The following ADGRE2 variants were observed in gnomAD, a reference collection of about 807,000 sequenced individuals.
ADGRE2 encodes the protein CD97 antigen.
Under a neutral mutation model 100.8 loss-of-function variants are expected in ADGRE2, and 83 were observed. The observed-to-expected ratio is 0.82, with a 90% CI of 0.69 to 0.99. The LOEUF (loss-of-function observed/expected upper bound fraction) is 0.99, where lower values mean the gene tolerates loss of function less well. ADGRE2 is among the 50% of genes least tolerant of loss of function. ADGRE2 has a pLI of 0.00. For synonymous variants in ADGRE2, 355 were observed against 413.0 expected, an observed-to-expected ratio of 0.86 and a Z score of 1.70; for missense variants, 814 against 1,035.7, an observed-to-expected ratio of 0.79 and a Z score of 2.94.
At chr19:14,743,996 T>G (rs573978154) in intron 18 of ADGRE2, among the ~76,000 whole-genome samples, 1 of 152,108 alleles carries the variant, frequency 6.6e-6, no homozygotes, top group Non-Finnish European at 1.5e-5. Context: ...TCCCAGCACT[T>G]TGGGGGGCCA....
At chr19:14,741,935 T>C in intron 20 of ADGRE2, 1 of 398,456 alleles carries the variant, frequency 2.5e-6, no homozygotes. Context: ...TAAATGTTGG[T>C]TATTAGTCAT....
intron 5 of ADGRE2, chr19:14,772,049 T>C (rs2147524495): frequency 2.2e-6 from 1 of 449,444 alleles, no homozygotes; most frequent in Middle Eastern, 6.3e-4. Flanking sequence ...CCTCATTTTA[T>C]AGATGGGTAA....
At chr19:14,737,287 A>G (rs1433523644) in intron 20 of ADGRE2, among the ~76,000 whole-genome samples, 2 of 151,924 alleles carry the variant, frequency 1.3e-5, no homozygotes, top group South Asian at 2.1e-4. Context: ...TCCCAGGTTC[A>G]AGTGATCCTC....
chr19:14,763,134 G>A (rs1462699308), intron 11 of ADGRE2, among the ~76,000 whole-genome samples: 1 of 152,062 alleles, frequency 6.6e-6, no homozygotes, highest in East Asian at 1.9e-4. Context: ...AAGGTCAGGA[G>A]ATCGAGAGAC....
At chr19:14,774,460 C>T (rs1056954238) in intron 2 of ADGRE2, among the ~76,000 whole-genome samples, 154 bp from the exon 3 acceptor site, 30 of 151,694 alleles carry the variant, frequency 2.0e-4, no homozygotes, top group Admixed American at 1.7e-3. Context: ...ACGTCCCACT[C>T]GGATGCTCAA....
chr19:14,771,656 A>AC (rs2044214162), intron 5 of ADGRE2, among the ~76,000 whole-genome samples: 1 of 149,894 alleles, frequency 6.7e-6, no homozygotes, highest in African/African-American at 2.5e-5. Context: ...TTATTTATTT[A>AC]TTTTAGATGG....
rs754636856 is a variant in ADGRE2 at position 14,752,535 on chromosome 19, C to T, written c.1591-9G>A. ...AGCACGGGATCCTCCTCCTGGGACC[C>T]GGAAAAGAAGAGTTCACAGTGATGC... On this transcript the variant is annotated splice_polypyrimidine_tract_variant and intron_variant, in intron 14 of 20. Transcript: ENST00000315576. 1.7e-5 allele frequency: 28 copies of T among 1,612,844 alleles called. No individual in the cohort carries two copies. Among genetic ancestry groups the T allele is most frequent in the Non-Finnish European group, 2.2e-5 (26 of 1,179,464 alleles).
chr19:14,730,107 C>A (rs1234976077), downstream of ADGRE2, among the ~76,000 whole-genome samples: 2 of 152,196 alleles, frequency 1.3e-5, no homozygotes, highest in Non-Finnish European at 2.9e-5. Flanking sequence ...GGCTGGAGTA[C>A]AATGGCACAA....
Position 14,772,488 on chromosome 19 carries a change from T to C in ADGRE2, c.209A>G (p.Glu70Gly). 6.2e-7 allele frequency: 1 copy of C among 1,613,942 alleles called. No homozygotes were observed. The highest frequency in any genetic ancestry group is 8.5e-7 in the Non-Finnish European group (1 of 1,179,990). Residue 70 changes from glutamate (E) to glycine (G), a missense_variant, in exon 5 of 21, where the codon GAG (glutamate) becomes GGG (glycine). This residue lies in a region of ADGRE2 where 143 missense variants were observed against 160.3 expected (regional missense o/e 0.89). Transcript: ENST00000315576. ...TPMETCDDIN[E>G]CATLSKVSCG... ...TGACACTTTCGACAGTGTTGCACAC[T>C]CGTTGATGTCTGGAACACAACAGGA...
Position 14,743,776 on chromosome 19 carries a change from G to A in ADGRE2, c.2192C>T (p.Ala731Val), listed in dbSNP as rs370433460. 65 of 1,614,050 alleles carry A rather than the reference G, an allele frequency of 4.0e-5. No homozygotes were observed. The African/African-American group carries it at 7.2e-4, about 18-fold the overall frequency. The part of the protein sequence containing the change: ...VSTLRNTRML[A>V]FKATAQLFIL... Reference sequence around the variant, plus strand: ...GAACAGCTGAGCTGTCGCTTTAAATGCCAGCATCCTGGATTGAGTAAGAAA... The same window carrying A: ...GAACAGCTGAGCTGTCGCTTTAAATACCAGCATCCTGGATTGAGTAAGAAA... The change falls in exon 19 of 21, where the codon GCA becomes GTA. Residue 731 changes from alanine (A) to valine (V), a missense_variant. By Grantham distance (64) the Ala-to-Val change is moderately conservative (BLOSUM62 0). This residue lies in a region of ADGRE2 where 569 missense variants were observed against 692.7 expected (regional missense o/e 0.82). Coordinates refer to ENST00000315576, the MANE Select transcript of ADGRE2 (RefSeq NM_013447.4).
intron 20 of ADGRE2, among the ~76,000 whole-genome samples, chr19:14,736,866 T>A (rs189878013): frequency 0.15 from 21,319 of 143,092 alleles, 1,813 homozygotes; most frequent in Middle Eastern, 0.19. Context: ...TATAGATATT[T>A]AATATCTATA....
chr19:14,756,774 A>G (rs2043515045), intron 11 of ADGRE2, among the ~76,000 whole-genome samples: 2 of 152,250 alleles, frequency 1.3e-5, no homozygotes. Context: ...CTCTGATAAC[A>G]AAACCAGATG....
chr19:14,772,615 T>C, intron 4 of ADGRE2, 118 bp from the exon 5 acceptor site: 1 of 1,273,688 alleles, frequency 7.9e-7, no homozygotes, highest in African/African-American at 1.5e-5. Flanking sequence ...GGAAAGGATC[T>C]CAAGTTGCAC....
intron 15 of ADGRE2, among the ~76,000 whole-genome samples, chr19:14,751,912 C>CACAT (rs1318216569): frequency 2.1e-4 from 20 of 95,046 alleles, no homozygotes; most frequent in Non-Finnish European, 3.2e-4. Flanking sequence ...CACACACACA[C>CACAT]ATATATATAT....
chr19:14,740,314 T>C (rs1312641603), intron 20 of ADGRE2, among the ~76,000 whole-genome samples: 2 of 151,678 alleles, frequency 1.3e-5, no homozygotes, highest in East Asian at 3.9e-4. Context: ...ACAGGGATTG[T>C]GCAGGTTGGA....
Position 14,776,780 on chromosome 19 carries a change from G to A in ADGRE2, c.-24C>T, listed in dbSNP as rs770801424. 1.2e-5 allele frequency: 20 copies of A among 1,612,918 alleles called. No individual in the cohort carries two copies. The highest frequency in any genetic ancestry group is 1.6e-5 in the Non-Finnish European group (19 of 1,179,558). On this transcript the variant is annotated 5_prime_UTR_variant, in exon 2 of 21. Transcript: ENST00000315576. ...ATGGTTCCAGCTGAGCTGCCGGCAGGAGCAGCAGGGGAAAGAGTGAGTGGG... is the reference window on the plus strand; with the variant it reads ...ATGGTTCCAGCTGAGCTGCCGGCAGAAGCAGCAGGGGAAAGAGTGAGTGGG...
chr19:14,773,137 A>G (rs1273223233), intron 4 of ADGRE2, among the ~76,000 whole-genome samples: 1 of 151,084 alleles, frequency 6.6e-6, no homozygotes, highest in African/African-American at 2.4e-5. Context: ...GGGAGAAAAA[A>G]AAACCTATGG....
Position 14,746,255 on chromosome 19 carries a change from T to G in ADGRE2, c.2160A>C (p.Glu720Asp), listed in dbSNP as rs57865820. 20,427 of 1,606,770 alleles carry G rather than the reference T, an allele frequency of 0.013. 2,381 individuals are homozygous for G. In the African/African-American group the frequency reaches 0.24, roughly 19 times the overall value. Residue 720 changes from glutamate (E) to aspartate (D), a missense_variant, in exon 18 of 21, where the codon GAA becomes GAC. Around this residue, in one of 5 missense-constraint regions of ADGRE2, gnomAD observed 569 missense variants for 692.7 expected, o/e 0.82. Transcript: ENST00000315576. Reference protein sequence around the residue: ...LKNRLSSLNSEVSTLRNTRML... With the variant: ...LKNRLSSLNSDVSTLRNTRML... ...ACCTTGTGTTCCGGAGGGTGGACACTTCACTATTGAGGGAGGAGAGTCTGT... is the reference window on the plus strand; with the variant it reads ...ACCTTGTGTTCCGGAGGGTGGACACGTCACTATTGAGGGAGGAGAGTCTGT...
intron 15 of ADGRE2, 146 bp from the exon 16 acceptor site, chr19:14,751,817 G>A (rs2043294459): frequency 1.6e-6 from 1 of 613,110 alleles, no homozygotes; most frequent in South Asian, 2.0e-5. Flanking sequence ...TCAGGCAATG[G>A]GAAATTGGTG....
Sources: gnomAD v4.1 joint callset for allele counts (sites outside exome capture counted in the v4.1 genomes callset) on GRCh38, gnomAD v4.1.1 for gene constraint, gnomAD v4.1.1 regional missense constraint, MANE v1.5 for transcripts, NCBI Gene and HGNC (gene_info 2026-07-23, HGNC 2026-07-21) for gene names.